Variants in PCNT observed in about 807,000 individuals in gnomAD.
The protein encoded by PCNT is pericentrin.
PCNT carries 319 observed loss-of-function variants against 380.4 expected under a neutral mutation model. That is an observed-to-expected ratio of 0.84 (90% CI 0.77 to 0.92). PCNT has a LOEUF of 0.92. Among genes scored for constraint, PCNT ranks in the 40% least tolerant of loss-of-function variants. The pLI, the probability that PCNT is intolerant of heterozygous loss-of-function variation, is 0.00. For synonymous variants in PCNT, 1,845 were observed against 1,735.2 expected, an observed-to-expected ratio of 1.06 and a Z score of -1.57; for missense variants, 4,400 against 4,255.3, an observed-to-expected ratio of 1.03 and a Z score of -0.95.
intron 39 of PCNT, among the ~76,000 whole-genome samples, chr21:46,436,692 T>C (rs1001935148): frequency 2.0e-5 from 3 of 152,204 alleles, no homozygotes; most frequent in African/African-American, 7.2e-5. Flanking sequence ...GACAGCATTT[T>C]AAATCATTCA....
chr21:46,421,326 T>G (rs1264254153), intron 31 of PCNT, among the ~76,000 whole-genome samples: 1 of 152,112 alleles, frequency 6.6e-6, no homozygotes, highest in Non-Finnish European at 1.5e-5. Context: ...TCTAACACCC[T>G]TTTTCCAGGG....
intron 15 of PCNT, among the ~76,000 whole-genome samples, chr21:46,369,826 C>T (rs1287142164): frequency 1.3e-5 from 2 of 152,196 alleles, no homozygotes; most frequent in Admixed American, 6.5e-5. Flanking sequence ...AGGACCAAAG[C>T]CCTGGACAGG....
intron 3 of PCNT, among the ~76,000 whole-genome samples, chr21:46,345,239 G>A (rs919335599): frequency 2.0e-5 from 3 of 151,992 alleles, no homozygotes; most frequent in Non-Finnish European, 4.4e-5. Context: ...TTTTTTTGAG[G>A]TGGAGTCTCG....
intron 2 of PCNT, among the ~76,000 whole-genome samples, chr21:46,329,134 C>G (rs2083478474): frequency 6.6e-6 from 1 of 152,224 alleles, no homozygotes; most frequent in South Asian, 2.1e-4. Context: ...AGGATCCTAT[C>G]AGAAAACCAT....
rs1172057145 is a variant in PCNT at position 46,351,524 on chromosome 21, T to C, written c.1440T>C (p.Ser480=). The C allele has an allele frequency of 6.3e-7, 1 of 1,598,692 alleles. No homozygotes were observed. The highest frequency in any genetic ancestry group is 1.1e-5 in the South Asian group (1 of 90,750). ...LWSQLDSART[S]RQELSELHEQ... ...CCCAGCTTGATTCTGCCAGGACCAG[T>C]AGACAGGAATTGAGTGGTGAGGAAT... The change falls in exon 9 of 47, where the codon AGT becomes AGC. Residue 480 remains serine, a synonymous_variant. Coordinates refer to ENST00000359568, the MANE Select transcript of PCNT (RefSeq NM_006031.6).
chr21:46,400,466 C>T (rs2086381556), intron 25 of PCNT, among the ~76,000 whole-genome samples: 1 of 149,222 alleles, frequency 6.7e-6, no homozygotes, highest in Non-Finnish European at 1.5e-5. Context: ...GTAGTTTGGC[C>T]TCAGACACAG....
In PCNT at chr21:46,425,683, G is replaced by A. The variant is rs1569290427; in HGVS notation, c.7180-148G>A. On this transcript the variant is annotated intron_variant, in intron 32 of 46. Transcript: ENST00000359568. The surrounding 1 kb of genome is among the most constrained non-coding windows in gnomAD (Gnocchi z 4.2). ...CCTTGTAGCTTGAGAAGTGGGTGCCGCCTGTACGAAGCCGAGGCGGTGCCC... is the reference window on the plus strand; with the variant it reads ...CCTTGTAGCTTGAGAAGTGGGTGCCACCTGTACGAAGCCGAGGCGGTGCCC... 1.7e-5 allele frequency: 18 copies of A among 1,077,626 alleles called. 1 individual carries two copies. The highest frequency in any genetic ancestry group is 6.4e-5 in the South Asian group (5 of 78,402). The allele number at this position is 1,077,626 out of a possible 1,614,324, so 66.8% of individuals were successfully genotyped here. A position where few individuals can be genotyped will look rare whatever the true frequency, so the allele number is the denominator to read the frequency against.
At chr21:46,334,141 A>G (rs113750286) in intron 2 of PCNT, among the ~76,000 whole-genome samples, 1 of 148,776 alleles carries the variant, frequency 6.7e-6, no homozygotes, top group African/African-American at 2.5e-5. Context: ...GGAGGCGGAG[A>G]TTGCAGTGAG....
chr21:46,443,229 G>A (rs1278765887), intron 44 of PCNT: 1 of 162,540 alleles, frequency 6.2e-6, no homozygotes, highest in East Asian at 1.8e-4. Flanking sequence ...TTGTTTTGTT[G>A]TTTTTTAAGA....
At chr21:46,360,985 C>A (rs567408909) in intron 13 of PCNT, among the ~76,000 whole-genome samples, 37 of 152,122 alleles carry the variant, frequency 2.4e-4, no homozygotes, top group Non-Finnish European at 4.3e-4. Flanking sequence ...TTTCTTTTTT[C>A]TTGTGTTTTT....
intron 8 of PCNT, among the ~76,000 whole-genome samples, chr21:46,351,220 G>A (rs1463623100): frequency 6.6e-6 from 1 of 152,192 alleles, no homozygotes; most frequent in Non-Finnish European, 1.5e-5. Flanking sequence ...AAAGTGCCTG[G>A]CCTTGTGGGG....
At chr21:46,419,759 G>A (rs1206545272) in intron 31 of PCNT, among the ~76,000 whole-genome samples, 4 of 152,088 alleles carry the variant, frequency 2.6e-5, no homozygotes, top group Non-Finnish European at 4.4e-5. Flanking sequence ...CTTATTTACC[G>A]AGACAGGGTC....
In PCNT at chr21:46,416,707, G is replaced by T; in HGVS notation, c.6789G>T (p.Arg2263Ser). 6.3e-7 allele frequency: 1 copy of T among 1,575,452 alleles called. No homozygotes were observed. Among genetic ancestry groups the T allele is most frequent in the Non-Finnish European group, 8.6e-7 (1 of 1,158,944 alleles). ...GTGCCGACACATCCCTGGGGGACAG[G>T]GCGGACACCTCGCTGCCACAGACCC... ...LCSADTSLGD[R>S]ADTSLPQTQG... The change falls in exon 30 of 47, where the codon AGG becomes AGT. Residue 2263 changes from arginine to serine, a missense_variant. Coordinates refer to ENST00000359568, the MANE Select transcript of PCNT (RefSeq NM_006031.6).
rs769709728 is a variant in PCNT at position 46,427,661 on chromosome 21, C to G, written c.7360C>G (p.Leu2454Val). Residue 2454 changes from leucine to valine, a missense_variant, in exon 34 of 47, where the codon CTG becomes GTG. Leu to Val is a conservative substitution (Grantham distance 32). Transcript: ENST00000359568. ...GTGCCCCGATTGGAGAGGGGACCTT[C>G]TGCAGGTTGTGCAAGAGGCCTTTGA... The part of the protein sequence containing the change: ...TACPDWRGDL[L>V]QVVQEAFEKE... 4 of 1,613,886 alleles carry G rather than the reference C, an allele frequency of 2.5e-6. No individual in the cohort carries two copies. In the African/African-American group the frequency reaches 5.3e-5, roughly 22 times the overall value.
intron 38 of PCNT, among the ~76,000 whole-genome samples, chr21:46,434,450 G>A (rs1419702083): frequency 6.6e-6 from 1 of 152,220 alleles, no homozygotes; most frequent in East Asian, 1.9e-4. Context: ...AGCCGCCTCT[G>A]TGTGTCTGCA....
chr21:46,376,977 T>G (rs540080634), intron 15 of PCNT, among the ~76,000 whole-genome samples: 1 of 152,298 alleles, frequency 6.6e-6, no homozygotes, highest in South Asian at 2.1e-4. Context: ...CCGTTTCTGG[T>G]CCCTGTGACT....
rs1001681463 is a variant in PCNT at position 46,388,054 on chromosome 21, C to A, written c.3465-688C>A. On this transcript the variant is annotated intron_variant, in intron 17 of 46. Coordinates refer to ENST00000359568, the MANE Select transcript of PCNT (RefSeq NM_006031.6). The surrounding 1 kb of genome is among the most constrained non-coding windows in gnomAD (Gnocchi z 4.2). ...TGAAACCCCATCTCTACTAAAAATA[C>A]AAAAAATTAGCCGGGCGTGGTGACA... Among the ~76,000 whole-genome samples the A allele has an allele frequency of 6.6e-6, 1 of 151,874 alleles. No homozygotes were observed. The highest frequency in any genetic ancestry group is 1.5e-5 in the Non-Finnish European group (1 of 67,968).
chr21:46,377,999 T>C (rs1047155161), intron 15 of PCNT, among the ~76,000 whole-genome samples: 1 of 152,166 alleles, frequency 6.6e-6, no homozygotes, highest in Non-Finnish European at 1.5e-5. Context: ...GCTTTCACTT[T>C]GTGTGTTTCC....
intron 42 of PCNT, among the ~76,000 whole-genome samples, chr21:46,440,540 C>G (rs759777058): frequency 4.6e-5 from 7 of 152,228 alleles, no homozygotes; most frequent in African/African-American, 1.7e-4. Flanking sequence ...ACGGTCCCCA[C>G]CCCGTGACGT....
Sources: allele counts gnomAD v4.1 joint callset (sites outside exome capture counted in the v4.1 genomes callset), GRCh38; gene constraint gnomAD v4.1.1; non-coding constraint Gnocchi (gnomAD v3.1); transcripts MANE v1.5; gene names NCBI Gene and HGNC (gene_info 2026-07-23, HGNC 2026-07-21).